The following PLAAT3 variants were observed in gnomAD, a reference collection of about 807,000 sequenced individuals.
The protein encoded by PLAAT3 is phospholipase A and acyltransferase 3, also known as Ca-independent phospholipase A1/2.
PLAAT3 carries 21 observed loss-of-function variants against 16.7 expected under a neutral mutation model. The ratio of observed to expected loss-of-function variants is 1.26; its 90% confidence interval spans 0.89 to 1.81. PLAAT3 has a LOEUF of 1.81. Ranked by LOEUF, PLAAT3 falls within the 40% of genes most tolerant of loss-of-function variation. The probability of loss-of-function intolerance (pLI) is 0.00; values close to 1 mark genes in which losing one functional copy is unlikely to be tolerated. For missense variants in PLAAT3, 219 were observed against 213.7 expected (o/e 1.02, Z -0.16); for synonymous variants, 76 against 81.7 (o/e 0.93, Z 0.38).
upstream of PLAAT3, among the ~76,000 whole-genome samples, chr11:63,615,154 A>ATATGTGTGTG (rs1309471402): frequency 4.1e-5 from 4 of 96,874 alleles, 2 homozygotes; most frequent in East Asian, 7.7e-4. Flanking sequence ...ATGTGTGTAT[A>ATATGTGTGTG]TATGTGTATA....
At chr11:63,585,064 G>A (rs890777875) in intron 4 of PLAAT3, among the ~76,000 whole-genome samples, 1 of 142,336 alleles carries the variant, frequency 7.0e-6, no homozygotes. Context: ...TTTTGCTCTT[G>A]TTGCCCAGCC....
chr11:63,610,001 C>T (rs544439152), intron 2 of PLAAT3, among the ~76,000 whole-genome samples: 6 of 152,268 alleles, frequency 3.9e-5, no homozygotes, highest in Non-Finnish European at 5.9e-5. Flanking sequence ...TGTTACCAAT[C>T]GGGAAACTGA....
chr11:63,610,943 T>C (rs1938676779), intron 2 of PLAAT3, among the ~76,000 whole-genome samples: 1 of 151,896 alleles, frequency 6.6e-6, no homozygotes, highest in Non-Finnish European at 1.5e-5. Flanking sequence ...CAGGAAACTG[T>C]GGACACACCC....
intron 2 of PLAAT3, among the ~76,000 whole-genome samples, chr11:63,608,265 T>C (rs780197231): frequency 2.0e-5 from 3 of 152,130 alleles, no homozygotes; most frequent in Non-Finnish European, 4.4e-5. Context: ...AGAAGGGTTG[T>C]CTAAAAGGGA....
At chr11:63,598,607 T>G (rs1938351431) in intron 2 of PLAAT3, 1 of 471,120 alleles carries the variant, frequency 2.1e-6, no homozygotes, top group Admixed American at 2.4e-5. Context: ...ATATAACTCA[T>G]GAGTGACTTG....
At chr11:63,612,310 C>G (rs922306591) in intron 2 of PLAAT3, among the ~76,000 whole-genome samples, 3 of 151,542 alleles carry the variant, frequency 2.0e-5, no homozygotes, top group East Asian at 1.9e-4. Context: ...CTGCACCCAG[C>G]CTGTCTTAGT....
At chr11:63,615,406 A>ATGTGTG (rs1187931837), upstream of PLAAT3, among the ~76,000 whole-genome samples, 6 of 7,388 alleles carry the variant, frequency 8.1e-4, 2 homozygotes, top group African/African-American at 8.6e-4. Flanking sequence ...ATGTGTGTAT[A>ATGTGTG]TGTGTGTGTG....
intron 3 of PLAAT3, among the ~76,000 whole-genome samples, chr11:63,596,069 G>A (rs902167601): frequency 8.6e-5 from 13 of 151,582 alleles, no homozygotes; most frequent in East Asian, 5.8e-4. Flanking sequence ...GTGAAACCCC[G>A]TCTCTACTAA....
At chr11:63,577,676 C>G (rs1190948570) in intron 4 of PLAAT3, among the ~76,000 whole-genome samples, 1 of 152,168 alleles carries the variant, frequency 6.6e-6, no homozygotes, top group Non-Finnish European at 1.5e-5. Flanking sequence ...GAGAATAAGA[C>G]AGCATATTGC....
At chr11:63,585,820 A>G (rs1937956906) in intron 4 of PLAAT3, among the ~76,000 whole-genome samples, 1 of 152,132 alleles carries the variant, frequency 6.6e-6, no homozygotes. Context: ...GCATTGTTTC[A>G]TTTTGCAAGT....
intron 2 of PLAAT3, among the ~76,000 whole-genome samples, chr11:63,601,057 T>A (rs11603983): frequency 0.024 from 2,057 of 87,226 alleles, 37 homozygotes; most frequent in African/African-American, 0.079. Flanking sequence ...AAAAAAAAAT[T>A]TTTTTTTTTT....
chr11:63,584,664 C>A (rs530043965), intron 4 of PLAAT3, among the ~76,000 whole-genome samples: 1 of 151,914 alleles, frequency 6.6e-6, no homozygotes, highest in Admixed American at 6.6e-5. Flanking sequence ...CAGGCCACCA[C>A]GCCCAGCTAA....
At position 63,574,937 on chromosome 11, in the gene PLAAT3, T is replaced by G; in HGVS notation, c.*8A>C. ...TAAAGTCATCGCTGACAGGACAGTC[T>G]TTTTCAGTTATTGCTTTTGTCGCTT... On this transcript the variant is annotated 3_prime_UTR_variant, in exon 5 of 5. Transcript: ENST00000415826. The G allele has an allele frequency of 1.3e-6, 2 of 1,559,062 alleles. No individual in the cohort carries two copies. Among genetic ancestry groups the G allele is most frequent in the Non-Finnish European group, 1.8e-6 (2 of 1,129,600 alleles).
chr11:63,588,504 T>C (rs879427665), intron 4 of PLAAT3, among the ~76,000 whole-genome samples: 1 of 152,156 alleles, frequency 6.6e-6, no homozygotes, highest in Non-Finnish European at 1.5e-5. Flanking sequence ...CTTTTTAACC[T>C]GACAATATTC....
chr11:63,614,133 A>T, intron 1 of PLAAT3, 65 bp from the exon 2 acceptor site: 1 of 1,405,304 alleles, frequency 7.1e-7, no homozygotes, highest in Non-Finnish European at 1.0e-6. Flanking sequence ...ACCCCACGGG[A>T]CTGCGGCTTC....
chr11:63,575,612 G>C (rs1284881954), intron 4 of PLAAT3, among the ~76,000 whole-genome samples: 1 of 152,194 alleles, frequency 6.6e-6, no homozygotes, highest in Non-Finnish European at 1.5e-5. Context: ...TATCTGACTT[G>C]TTTGTAGTAG....
At chr11:63,604,772 A>G (rs1244925947) in intron 2 of PLAAT3, among the ~76,000 whole-genome samples, 2 of 152,172 alleles carry the variant, frequency 1.3e-5, no homozygotes, top group African/African-American at 4.8e-5. Flanking sequence ...AAAAAAAAAA[A>G]GTATTTTCTA....
At chr11:63,612,144 A>C (rs1938710119) in intron 2 of PLAAT3, among the ~76,000 whole-genome samples, 1 of 152,204 alleles carries the variant, frequency 6.6e-6, no homozygotes, top group Non-Finnish European at 1.5e-5. Context: ...ATCTCAAAAA[A>C]AAAAAGTATG....
rs1590677101 is a variant in PLAAT3 at position 63,575,135 on chromosome 11, C to T, written c.388-89G>A. ...AGCAGAAACATTCAGCTCGGGATACCTCACATGCCCCTTGGCCTCCCTGGC... is the reference window on the plus strand; with the variant it reads ...AGCAGAAACATTCAGCTCGGGATACTTCACATGCCCCTTGGCCTCCCTGGC... On this transcript the variant is annotated intron_variant, in intron 4 of 4. Coordinates refer to ENST00000415826, the MANE Select transcript of PLAAT3 (RefSeq NM_001128203.2). The T allele has an allele frequency of 7.0e-6, 6 of 856,222 alleles. No homozygotes were observed. The East Asian group carries it at 1.0e-4, about 14-fold the overall frequency. The allele number at this position is 856,222 out of a possible 1,614,324, so 53.0% of individuals were successfully genotyped here.
Sources: gnomAD v4.1 joint callset for allele counts (sites outside exome capture counted in the v4.1 genomes callset) on GRCh38, gnomAD v4.1.1 for gene constraint, MANE v1.5 for transcripts, NCBI Gene and HGNC (gene_info 2026-07-23, HGNC 2026-07-21) for gene names.